The following STK3 variants were observed in gnomAD, a reference collection of about 807,000 sequenced individuals.
STK3 encodes the protein serine/threonine kinase 3, also known as serine/threonine-protein kinase 3.
STK3 carries 41 observed loss-of-function variants against 58.0 expected under a neutral mutation model. That is an observed-to-expected ratio of 0.71 (90% CI 0.55 to 0.92). The LOEUF (loss-of-function observed/expected upper bound fraction) is 0.92. Among genes scored for constraint, STK3 ranks in the 40% least tolerant of loss-of-function variants. The pLI is 0.00. For synonymous variants in STK3, 170 were observed against 191.0 expected (o/e 0.89, Z 0.91); for missense variants, 479 against 602.7 (o/e 0.79, Z 2.15).
intron 3 of STK3, among the ~76,000 whole-genome samples, chr8:98,830,969 C>CAAAAAA (rs760622434): frequency 3.3e-5 from 2 of 59,884 alleles, no homozygotes; most frequent in Non-Finnish European, 6.1e-5. Context: ...GACTCTGTCT[C>CAAAAAA]AAAAAAAAAA....
intron 3 of STK3, among the ~76,000 whole-genome samples, chr8:98,837,085 C>G (rs1196322831): frequency 6.6e-6 from 1 of 151,808 alleles, no homozygotes; most frequent in East Asian, 1.9e-4. Context: ...CCTTGTGGAC[C>G]CCTTGAAATG....
At chr8:98,527,937 C>T (rs1484714299) in intron 9 of STK3, among the ~76,000 whole-genome samples, 2 of 152,172 alleles carry the variant, frequency 1.3e-5, no homozygotes, top group African/African-American at 2.4e-5. Context: ...ACCTACAGCT[C>T]CCCCGACATA....
At chr8:98,614,576 C>G (rs533434118) in intron 6 of STK3, among the ~76,000 whole-genome samples, 1 of 151,986 alleles carries the variant, frequency 6.6e-6, no homozygotes, top group East Asian at 1.9e-4. Context: ...GAGTGCCAGA[C>G]AGTGGGCGCA....
At chr8:98,693,763 A>G (rs1017715075) in intron 6 of STK3, among the ~76,000 whole-genome samples, 2 of 152,194 alleles carry the variant, frequency 1.3e-5, no homozygotes, top group African/African-American at 4.8e-5. Flanking sequence ...GGGAGATGGA[A>G]GGTGTGTTAA....
Position 98,383,069 on chromosome 8 carries a change from C to A in STK3, n.57-3862G>T, listed in dbSNP as rs529366681. ...ACAGAGCCCATTCTGCCTTGGCTCA[C>A]AGGTGCCTGTGTTCTTACTTGCTTC... is the stretch of plus-strand genomic sequence containing the variant. On this transcript the variant is annotated intron_variant and non_coding_transcript_variant, in intron 1 of 2. Transcript: ENST00000518704. 6.6e-5 allele frequency among the ~76,000 whole-genome samples: 10 copies of A among 152,366 alleles called. No individual in the cohort carries two copies. In the East Asian group the frequency reaches 1.7e-3, roughly 26 times the overall value.
At chr8:98,540,527 A>C (rs1586815350) in intron 9 of STK3, among the ~76,000 whole-genome samples, 1 of 152,182 alleles carries the variant, frequency 6.6e-6, no homozygotes, top group African/African-American at 2.4e-5. Flanking sequence ...TGCAATTCTG[A>C]TGGACCTTCA....
At chr8:98,672,093 C>CCATAAAAA in intron 6 of STK3, among the ~76,000 whole-genome samples, 2 of 152,120 alleles carry the variant, frequency 1.3e-5, no homozygotes, top group Non-Finnish European at 2.9e-5. Flanking sequence ...TACTCAGTCT[C>CCATAAAAA]GGGTATTTCT....
intron 6 of STK3, among the ~76,000 whole-genome samples, chr8:98,668,136 C>T (rs1013554245): frequency 1.3e-5 from 2 of 152,012 alleles, no homozygotes; most frequent in Non-Finnish European, 2.9e-5. Flanking sequence ...CTTAATAAAA[C>T]TGTTTAAGAT....
upstream of STK3, among the ~76,000 whole-genome samples, chr8:98,827,161 C>A (rs1020733243): frequency 3.7e-5 from 5 of 134,024 alleles, no homozygotes; most frequent in Admixed American, 3.0e-4. Flanking sequence ...CATGGTGAAA[C>A]CTCGTCTCTA....
chr8:98,864,848 C>T (rs1384515110), intron 3 of STK3, among the ~76,000 whole-genome samples: 2 of 152,226 alleles, frequency 1.3e-5, no homozygotes, highest in Non-Finnish European at 2.9e-5. Flanking sequence ...CTTCAACAAG[C>T]AGCTTTTTGT....
chr8:98,522,907 T>G (rs1449663683), intron 10 of STK3, among the ~76,000 whole-genome samples: 1 of 152,216 alleles, frequency 6.6e-6, no homozygotes, highest in Non-Finnish European at 1.5e-5. Context: ...AATATTCCAT[T>G]TTATGTATTA....
chr8:98,532,481 A>C (rs965368245), intron 9 of STK3, among the ~76,000 whole-genome samples: 8 of 152,194 alleles, frequency 5.3e-5, no homozygotes, highest in African/African-American at 9.6e-5. Context: ...TAACAGACAT[A>C]ATAATGATGA....
intron 6 of STK3, among the ~76,000 whole-genome samples, chr8:98,658,254 G>A (rs1278101214): frequency 6.6e-6 from 1 of 152,014 alleles, no homozygotes; most frequent in African/African-American, 2.4e-5. Flanking sequence ...GCTGGACTGT[G>A]CGGTAGAGAA....
At chr8:98,757,212 G>A (rs1281661921) in intron 3 of STK3, among the ~76,000 whole-genome samples, 2 of 150,606 alleles carry the variant, frequency 1.3e-5, no homozygotes, top group African/African-American at 4.9e-5. Flanking sequence ...ACAGAGTCTC[G>A]CTCTGTCGCC....
intron 6 of STK3, among the ~76,000 whole-genome samples, chr8:98,636,360 T>C (rs563702108): frequency 6.6e-6 from 1 of 152,268 alleles, no homozygotes; most frequent in African/African-American, 2.4e-5. Context: ...TTCTAAGTAC[T>C]AATGTAAATA....
intron 9 of STK3, among the ~76,000 whole-genome samples, chr8:98,544,571 G>A (rs1810541573): frequency 6.6e-6 from 1 of 151,474 alleles, no homozygotes; most frequent in Non-Finnish European, 1.5e-5. Flanking sequence ...CACTTGAAAA[G>A]AAAGTATCTT....
intron 6 of STK3, among the ~76,000 whole-genome samples, chr8:98,629,392 C>T (rs547550381): frequency 3.3e-5 from 5 of 152,080 alleles, no homozygotes; most frequent in Non-Finnish European, 7.4e-5. Flanking sequence ...AAACTGGAGA[C>T]CCCACACACC....
At chr8:98,514,801 T>C (rs895799340) in intron 10 of STK3, among the ~76,000 whole-genome samples, 2 of 152,118 alleles carry the variant, frequency 1.3e-5, no homozygotes, top group Admixed American at 6.6e-5. Context: ...TTCCATTCTG[T>C]ACTTTCAACT....
chr8:98,705,417 GAAA>G (rs11389041), intron 6 of STK3, among the ~76,000 whole-genome samples: 1 of 107,674 alleles, frequency 9.3e-6, no homozygotes, highest in African/African-American at 3.5e-5. Flanking sequence ...TATCTCAAAA[GAAA>G]AAAAAAAAAA....
Sources: gnomAD v4.1 joint callset for allele counts (sites outside exome capture counted in the v4.1 genomes callset) on GRCh38, gnomAD v4.1.1 for gene constraint, MANE v1.5 for transcripts, NCBI Gene and HGNC (gene_info 2026-07-23, HGNC 2026-07-21) for gene names.